Variants in STAG1 observed in about 807,000 individuals in gnomAD.
STAG1 encodes the protein STAG1 cohesin complex component.
Under a neutral mutation model 170.9 loss-of-function variants are expected in STAG1, and 26 were observed. The ratio of observed to expected loss-of-function variants is 0.15; its 90% CI spans 0.11 to 0.21. STAG1 has a LOEUF of 0.21. Among genes scored for constraint, STAG1 ranks in the 10% least tolerant of loss-of-function variants. The probability of loss-of-function intolerance (pLI) is 1.00; values close to 1 mark genes in which losing one functional copy is unlikely to be tolerated. For missense variants in STAG1, 964 were observed against 1,509.5 expected, an observed-to-expected ratio of 0.64 and a Z score of 5.99; for synonymous variants, 514 against 497.7, an observed-to-expected ratio of 1.03 and a Z score of -0.44.
chr3:136,406,573 G>T (rs962262903), intron 21 of STAG1, among the ~76,000 whole-genome samples: 1 of 151,900 alleles, frequency 6.6e-6, no homozygotes, highest in Non-Finnish European at 1.5e-5. Context: ...AAATAATATG[G>T]CAGAGTAAAA....
At chr3:136,478,927 C>T (rs1430593429) in intron 9 of STAG1, among the ~76,000 whole-genome samples, 2 of 151,964 alleles carry the variant, frequency 1.3e-5, no homozygotes, top group African/African-American at 4.8e-5. Flanking sequence ...TTCCTCATCT[C>T]TAAAATAGTG....
chr3:136,462,294 G>A (rs1330797075), intron 13 of STAG1, among the ~76,000 whole-genome samples: 1 of 152,094 alleles, frequency 6.6e-6, no homozygotes, highest in East Asian at 1.9e-4. Context: ...ATCAACCTAA[G>A]TGTTCACCAG....
intron 15 of STAG1, among the ~76,000 whole-genome samples, chr3:136,434,146 T>C (rs2088388690): frequency 6.6e-6 from 1 of 152,178 alleles, no homozygotes; most frequent in Non-Finnish European, 1.5e-5. Context: ...TTTTTGACAC[T>C]GAACAATGCT....
rs569334919 is a variant in STAG1 at position 136,395,558 on chromosome 3, T to G, written c.2277+3191A>C. Among the ~76,000 whole-genome samples the G allele has an allele frequency of 1.2e-4, 19 of 152,078 alleles. No homozygotes were observed. In the East Asian group the frequency reaches 3.5e-3, roughly 28 times the overall value. ...ATCACTTGAACCCGGGAGGTAGAGGTTGCAGTGAGTCAAGATTGCACCACT... is the reference window on the plus strand; with the variant it reads ...ATCACTTGAACCCGGGAGGTAGAGGGTGCAGTGAGTCAAGATTGCACCACT... On this transcript the variant is annotated intron_variant, in intron 22 of 33. Transcript: ENST00000383202.
chr3:136,720,002 T>A (rs1411785190), intron 1 of STAG1, among the ~76,000 whole-genome samples: 1 of 151,366 alleles, frequency 6.6e-6, no homozygotes, highest in Non-Finnish European at 1.5e-5. Flanking sequence ...TACGGAGAAA[T>A]CCCATCTCTA....
intron 1 of STAG1, among the ~76,000 whole-genome samples, chr3:136,641,497 A>G (rs1940798429): frequency 6.6e-6 from 1 of 152,228 alleles, no homozygotes; most frequent in African/African-American, 2.4e-5. Context: ...TAAACAAAGG[A>G]CACAACTATA....
At chr3:136,714,936 T>C (rs866701887) in intron 1 of STAG1, among the ~76,000 whole-genome samples, 1 of 45,796 alleles carries the variant, frequency 2.2e-5, no homozygotes, top group African/African-American at 1.1e-4. Flanking sequence ...ATATATATAT[T>C]AAATATATAT....
chr3:136,721,961 C>A (rs1253134300), intron 1 of STAG1, among the ~76,000 whole-genome samples: 1 of 151,374 alleles, frequency 6.6e-6, no homozygotes, highest in Non-Finnish European at 1.5e-5. Context: ...GTGGCTCACA[C>A]CTGTAATCCC....
intron 5 of STAG1, among the ~76,000 whole-genome samples, chr3:136,546,627 T>C (rs1293283429): frequency 1.3e-5 from 2 of 152,246 alleles, no homozygotes; most frequent in Middle Eastern, 3.4e-3. Context: ...CTCTTCTCCT[T>C]TCTAATTAAT....
intron 11 of STAG1, 116 bp from the exon 12 acceptor site, chr3:136,472,608 G>C: frequency 1.6e-6 from 1 of 644,042 alleles, no homozygotes; most frequent in South Asian, 2.6e-5. Context: ...TAAATAAAAA[G>C]CTTTACTCTT....
chr3:136,564,732 AG>A (rs1201326511), intron 5 of STAG1, among the ~76,000 whole-genome samples: 2 of 152,074 alleles, frequency 1.3e-5, no homozygotes, highest in African/African-American at 4.8e-5. Flanking sequence ...GGCAAAGGAT[AG>A]GAACAAAGAA....
At chr3:136,684,250 C>T (rs1942435326) in intron 1 of STAG1, among the ~76,000 whole-genome samples, 1 of 152,056 alleles carries the variant, frequency 6.6e-6, no homozygotes. Context: ...AGAACAAAGT[C>T]GGAAAACTAA....
intron 13 of STAG1, among the ~76,000 whole-genome samples, chr3:136,463,767 G>GTT (rs1375220735): frequency 3.4e-5 from 2 of 58,758 alleles, no homozygotes; most frequent in Admixed American, 2.1e-4. Context: ...GTGTGTGTGT[G>GTT]TATACACACA....
At chr3:136,685,472 T>G (rs567408094) in intron 1 of STAG1, among the ~76,000 whole-genome samples, 2 of 152,316 alleles carry the variant, frequency 1.3e-5, no homozygotes, top group African/African-American at 4.8e-5. Context: ...GCAACTGTAC[T>G]TCTTAGAATT....
intron 22 of STAG1, among the ~76,000 whole-genome samples, chr3:136,383,282 G>A (rs571803524): frequency 6.6e-6 from 1 of 151,784 alleles, no homozygotes; most frequent in South Asian, 2.1e-4. Context: ...ATATTCAAGA[G>A]AAAAAGAAAA....
chr3:136,446,576 C>T (rs749798716), intron 14 of STAG1, among the ~76,000 whole-genome samples: 2 of 151,960 alleles, frequency 1.3e-5, no homozygotes, highest in Admixed American at 6.6e-5. Context: ...GCACCTGCCA[C>T]CATGCCTGAC....
chr3:136,375,034 G>A (rs1011110812), intron 23 of STAG1, among the ~76,000 whole-genome samples: 3 of 152,102 alleles, frequency 2.0e-5, no homozygotes, highest in Non-Finnish European at 4.4e-5. Context: ...TAGCCTAAGA[G>A]GAATAGGCCA....
intron 22 of STAG1, among the ~76,000 whole-genome samples, chr3:136,397,444 T>A (rs1003794150): frequency 7.5e-6 from 1 of 132,478 alleles, no homozygotes; most frequent in East Asian, 3.4e-4. Context: ...AAATCTCAAC[T>A]TTTTTTCTTT....
chr3:136,456,682 C>T (rs1323711071), intron 13 of STAG1, among the ~76,000 whole-genome samples: 1 of 151,978 alleles, frequency 6.6e-6, no homozygotes, highest in Non-Finnish European at 1.5e-5. Context: ...AAATTCAACC[C>T]AAAGAGGAAT....
Sources: allele counts gnomAD v4.1 joint callset (sites outside exome capture counted in the v4.1 genomes callset), GRCh38; gene constraint gnomAD v4.1.1; transcripts MANE v1.5; gene names NCBI Gene and HGNC (gene_info 2026-07-23, HGNC 2026-07-21).